Variants in FRMD4A observed in about 807,000 individuals in gnomAD.
FRMD4A encodes the protein FERM domain-containing protein 4A.
A neutral mutation model predicts 129.1 loss-of-function variants in FRMD4A; 29 were observed. The ratio of observed to expected loss-of-function variants is 0.22; its 90% confidence interval spans 0.17 to 0.31. The LOEUF (loss-of-function observed/expected upper bound fraction) is 0.31. FRMD4A is among the 10% of genes least tolerant of loss of function. The pLI, the probability that FRMD4A is intolerant of heterozygous loss-of-function variation, is 1.00. For synonymous variants in FRMD4A, 634 were observed against 571.6 expected, an observed-to-expected ratio of 1.11 and a Z score of -1.56; for missense variants, 1,272 against 1,375.8, an observed-to-expected ratio of 0.92 and a Z score of 1.19.
chr10:13,703,259 GTTC>G (rs10592987), intron 13 of FRMD4A, among the ~76,000 whole-genome samples: 2,079 of 152,264 alleles, frequency 0.014, 55 homozygotes, highest in African/African-American at 0.048. Context: ...GATACTCAGA[GTTC>G]TTCTCCTGCT....
chr10:13,896,023 G>C (rs183059299), intron 2 of FRMD4A, among the ~76,000 whole-genome samples: 2 of 152,272 alleles, frequency 1.3e-5, no homozygotes. Flanking sequence ...GAAACAACAG[G>C]TGCTGGCGAG....
intron 2 of FRMD4A, among the ~76,000 whole-genome samples, chr10:14,139,508 G>T (rs1839725773): frequency 6.6e-6 from 1 of 151,600 alleles, no homozygotes; most frequent in African/African-American, 2.4e-5. Context: ...GGAATACTGT[G>T]GCTCAACCAT....
intron 2 of FRMD4A, among the ~76,000 whole-genome samples, chr10:14,054,891 A>C (rs1488858208): frequency 1.3e-5 from 2 of 152,144 alleles, no homozygotes; most frequent in African/African-American, 4.8e-5. Flanking sequence ...GTAAGATGTG[A>C]CTTTGCTCCT....
intron 2 of FRMD4A, among the ~76,000 whole-genome samples, chr10:14,104,929 G>T (rs1474512404): frequency 1.3e-5 from 2 of 152,172 alleles, no homozygotes; most frequent in Non-Finnish European, 2.9e-5. Flanking sequence ...ACCTTCAAGG[G>T]CTCTGGGCAG....
chr10:14,108,008 C>T (rs574341280), intron 2 of FRMD4A, among the ~76,000 whole-genome samples: 1 of 152,260 alleles, frequency 6.6e-6, no homozygotes, highest in East Asian at 1.9e-4. Flanking sequence ...TGTGATTTTG[C>T]TATACATGTT....
intron 2 of FRMD4A, among the ~76,000 whole-genome samples, chr10:14,209,761 CT>C (rs1349335831): frequency 6.6e-6 from 1 of 151,682 alleles, no homozygotes; most frequent in African/African-American, 2.4e-5. Context: ...TGGTGCATGC[CT>C]GCAGTCCCAG....
intron 2 of FRMD4A, among the ~76,000 whole-genome samples, chr10:13,946,640 C>T (rs573998419): frequency 4.6e-5 from 7 of 152,282 alleles, no homozygotes; most frequent in African/African-American, 9.6e-5. Flanking sequence ...GCTTTCACAT[C>T]TTCCAAATTC....
intron 2 of FRMD4A, among the ~76,000 whole-genome samples, chr10:14,311,192 C>T (rs1157326408): frequency 6.6e-6 from 1 of 152,156 alleles, no homozygotes; most frequent in Non-Finnish European, 1.5e-5. Flanking sequence ...ACACAAGCCT[C>T]CCCACCTGTC....
chr10:14,282,082 G>A (rs1216771754), intron 2 of FRMD4A, among the ~76,000 whole-genome samples: 2 of 152,054 alleles, frequency 1.3e-5, no homozygotes, highest in Non-Finnish European at 2.9e-5. Context: ...AAGCAAAAGG[G>A]GTTTTTCGTT....
intron 2 of FRMD4A, among the ~76,000 whole-genome samples, chr10:13,939,118 A>G (rs1406951403): frequency 6.6e-6 from 1 of 152,220 alleles, no homozygotes; most frequent in East Asian, 1.9e-4. Context: ...GCTACACGGT[A>G]AGGCAAGACC....
chr10:13,879,822 C>G (rs1187406130), intron 2 of FRMD4A, among the ~76,000 whole-genome samples: 2 of 134,976 alleles, frequency 1.5e-5, no homozygotes, highest in Non-Finnish European at 3.1e-5. Flanking sequence ...CCTCCTTCTT[C>G]TTCTTCTTGA....
intron 12 of FRMD4A, among the ~76,000 whole-genome samples, chr10:13,722,085 G>C (rs1405540339): frequency 6.6e-6 from 1 of 152,184 alleles, no homozygotes; most frequent in Non-Finnish European, 1.5e-5. Flanking sequence ...ACGCAGTGCA[G>C]CAGATGCCAG....
chr10:13,753,171 C>G (rs562303303), intron 8 of FRMD4A, among the ~76,000 whole-genome samples: 1 of 152,340 alleles, frequency 6.6e-6, no homozygotes, highest in South Asian at 2.1e-4. Flanking sequence ...ATGCAGGAAA[C>G]AATCTTTAAT....
chr10:13,845,166 T>C (rs1357064696), intron 3 of FRMD4A, among the ~76,000 whole-genome samples: 1 of 152,194 alleles, frequency 6.6e-6, no homozygotes, highest in Non-Finnish European at 1.5e-5. Flanking sequence ...TTGACATCAC[T>C]GGAGCACAAA....
Position 14,039,290 on chromosome 10 carries a change from G to T in FRMD4A, c.46-180378C>A, listed in dbSNP as rs149613760. On this transcript the variant is annotated intron_variant, in intron 2 of 24. Coordinates refer to ENST00000357447, the MANE Select transcript of FRMD4A (RefSeq NM_018027.5). ...AGATGCCATATATACTATATCAAAG[G>T]TTTTTCACATCTAAAAATTTGCATT... Among the ~76,000 whole-genome samples, 408 of 152,062 alleles carry T rather than the reference G, an allele frequency of 2.7e-3. 1 individual carries two copies. Among genetic ancestry groups the T allele is most frequent in the African/African-American group, 8.7e-3 (360 of 41,476 alleles).
At chr10:14,270,080 G>C (rs1173714175) in intron 2 of FRMD4A, among the ~76,000 whole-genome samples, 2 of 152,218 alleles carry the variant, frequency 1.3e-5, no homozygotes, top group Non-Finnish European at 2.9e-5. Context: ...ACTTCAGGAA[G>C]AAAACCAGTG....
chr10:14,081,745 T>C (rs964485604), intron 2 of FRMD4A, among the ~76,000 whole-genome samples: 4 of 152,186 alleles, frequency 2.6e-5, no homozygotes, highest in Non-Finnish European at 5.9e-5. Context: ...AGGCAAGAAG[T>C]CTCGCTCTAC....
At chr10:13,879,683 T>C (rs370966660) in intron 2 of FRMD4A, among the ~76,000 whole-genome samples, 1 of 25,666 alleles carries the variant, frequency 3.9e-5, no homozygotes, top group African/African-American at 1.1e-4. Flanking sequence ...CTCCTTCTTC[T>C]TTCTCTTCCT....
At chr10:14,325,253 A>G (rs1253855650) in intron 2 of FRMD4A, among the ~76,000 whole-genome samples, 3 of 152,236 alleles carry the variant, frequency 2.0e-5, no homozygotes, top group Non-Finnish European at 2.9e-5. Context: ...TCAGGATCTA[A>G]TCTGAATCTA....
Sources: allele counts gnomAD v4.1 joint callset (sites outside exome capture counted in the v4.1 genomes callset), GRCh38; gene constraint gnomAD v4.1.1; transcripts MANE v1.5; gene names NCBI Gene and HGNC (gene_info 2026-07-23, HGNC 2026-07-21).